Variants in DNAAF1 observed in about 807,000 individuals in gnomAD.
The protein encoded by DNAAF1 is dynein assembly factor 1, axonemal.
DNAAF1 carries 65 observed loss-of-function variants against 71.1 expected under a neutral mutation model. The ratio of observed to expected loss-of-function variants is 0.91; its 90% confidence interval spans 0.75 to 1.12. DNAAF1 has a LOEUF of 1.12. Among genes scored for constraint, DNAAF1 ranks in the 50% most tolerant of loss-of-function variants. The pLI, the probability that DNAAF1 is intolerant of heterozygous loss-of-function variation, is 0.00. For missense variants in DNAAF1, 1,178 were observed against 899.8 expected (o/e 1.31, Z -3.96); for synonymous variants, 414 against 354.6 (o/e 1.17, Z -1.88).
intron 6 of DNAAF1, 54 bp downstream of exon 6, chr16:84,159,850 C>G: frequency 6.3e-7 from 1 of 1,598,604 alleles, no homozygotes; most frequent in Non-Finnish European, 8.5e-7. Flanking sequence ...GTTGACCATG[C>G]TTAATATTAA....
intron 6 of DNAAF1, among the ~76,000 whole-genome samples, chr16:84,164,242 G>A (rs1361195972): frequency 2.0e-5 from 3 of 152,162 alleles, no homozygotes; most frequent in Non-Finnish European, 4.4e-5. Context: ...TGTGACAAGC[G>A]ATCAAGCAAT....
chr16:84,163,367 C>T (rs984554859), intron 6 of DNAAF1, among the ~76,000 whole-genome samples: 1 of 144,004 alleles, frequency 6.9e-6, no homozygotes, highest in Non-Finnish European at 1.5e-5. Flanking sequence ...TTTTTTTCCT[C>T]TCTCTCTCTC....
rs1356666341 is a variant in DNAAF1 at position 84,170,120 on chromosome 16, G to T, written c.1292G>T (p.Gly431Val). ...LLLSSPVEVK[G>V]EDGDGEPEGT... ...CTGTCGTCACCTGTGGAGGTTAAAG[G>T]AGAGGACGGAGATGGAGAGCCAGAG... The change falls in exon 8 of 12, where the codon GGA becomes GTA. Residue 431 changes from glycine to valine, a missense_variant. By Grantham distance (109) the Gly-to-Val change is moderately radical. Coordinates refer to ENST00000378553, the MANE Select transcript of DNAAF1 (RefSeq NM_178452.6). 1.3e-6 allele frequency: 2 copies of T among 1,583,406 alleles called. No homozygotes were observed. Among genetic ancestry groups the T allele is most frequent in the African/African-American group, 2.7e-5 (2 of 74,132 alleles).
At position 84,173,451 on chromosome 16, in the gene DNAAF1, G is replaced by A. The variant is rs182432755; in HGVS notation, c.1644+1076G>A. Reference sequence around the variant, plus strand: ...TGCACTCCAACCTGGGCGACAGAGCGAGACTCCATCTCAAAAAAGAAAAAA... The same window carrying A: ...TGCACTCCAACCTGGGCGACAGAGCAAGACTCCATCTCAAAAAAGAAAAAA... On this transcript the variant is annotated intron_variant, in intron 9 of 11. Transcript: ENST00000378553. 119 of 974,952 alleles carry A rather than the reference G, an allele frequency of 1.2e-4. No homozygotes were observed. The African/African-American group carries it at 1.6e-3, about 13-fold the overall frequency. 60.4% of individuals were successfully genotyped at this position (974,952 alleles called of 1,614,324 possible).
intron 2 of DNAAF1, 152 bp downstream of exon 2, chr16:84,149,294 G>A (rs189924902): frequency 2.8e-5 from 28 of 986,890 alleles, no homozygotes; most frequent in African/African-American, 2.6e-4. Context: ...TGCCTCTGCC[G>A]CACAGCTGAG....
At chr16:84,145,645 C>G in intron 1 of DNAAF1, 81 bp downstream of exon 1, 2 of 1,473,844 alleles carry the variant, frequency 1.4e-6, no homozygotes, top group South Asian at 2.5e-5. Flanking sequence ...ACACCACATA[C>G]CCGATCTTCA....
intron 5 of DNAAF1, among the ~76,000 whole-genome samples, chr16:84,156,140 C>T (rs2087416385): frequency 6.6e-6 from 1 of 152,008 alleles, no homozygotes; most frequent in African/African-American, 2.4e-5. Flanking sequence ...TTTTTGTATT[C>T]TTAGTAGATT....
chr16:84,148,823 C>G (rs377522867), intron 1 of DNAAF1, among the ~76,000 whole-genome samples, 184 bp from the exon 2 acceptor site: 1 of 151,254 alleles, frequency 6.6e-6, no homozygotes, highest in Non-Finnish European at 1.5e-5. Flanking sequence ...CACCTGGGCT[C>G]GAGCAATCTA....
rs984641609 is a variant in DNAAF1 at position 84,159,107 on chromosome 16, C to T, written c.742-568C>T. The T allele has an allele frequency of 4.0e-6, 4 of 992,074 alleles. No homozygotes were observed. In the South Asian group the frequency reaches 1.4e-4, roughly 34 times the overall value. The allele number at this position is 992,074 out of a possible 1,614,324, so 61.5% of individuals were successfully genotyped here. ...AGTATTTAAAGATGGGGGAGGATGG[C>T]AGGTCGGATTGCCGAGCCCCTTCCT... On this transcript the variant is annotated intron_variant, in intron 5 of 11. Transcript: ENST00000378553.
rs138914975 is a variant in DNAAF1 at position 84,156,804 on chromosome 16, T to TTTTTC, written c.741+1074_741+1078dup. Among the ~76,000 whole-genome samples, 127 of 149,994 alleles carry TTTTTC rather than the reference T, an allele frequency of 8.5e-4. No homozygotes were observed. In the East Asian group the frequency reaches 0.014, roughly 17 times the overall value. Reference sequence around the variant, plus strand: ...CAATGTTTGACCCTTTTATTTATCATTTTTCTTTTCTTTTCTTTTCTTTCC... The same window carrying TTTTTC: ...CAATGTTTGACCCTTTTATTTATCATTTTTCTTTTCTTTTCTTTTCTTTTCTTTCC... On this transcript the variant is annotated intron_variant, in intron 5 of 11. Transcript: ENST00000378553.
chr16:84,175,935 T>C lies in DNAAF1; in HGVS notation c.1701T>C (p.Asn567=). The part of the protein sequence containing the change: ...DETGKSLEDQ[N]MCFPKIEVIS... ...GACACCTTTTCTTCTGTAAATAGAA[T>C]ATGTGCTTTCCGAAGATTGAGGTCA... Residue 567 remains asparagine, a splice_region_variant and synonymous_variant, in exon 11 of 12, where the codon AAT becomes AAC. Coordinates refer to ENST00000378553, the MANE Select transcript of DNAAF1 (RefSeq NM_178452.6). 6.2e-7 allele frequency: 1 copy of C among 1,614,126 alleles called. No homozygotes were observed. The highest frequency in any genetic ancestry group is 8.5e-7 in the Non-Finnish European group (1 of 1,180,028).
chr16:84,151,269 G>A lies in DNAAF1; in HGVS notation c.352+927G>A, dbSNP rs947278772. Among the ~76,000 whole-genome samples the A allele has an allele frequency of 1.1e-4, 16 of 152,146 alleles. No homozygotes were observed. In the East Asian group the frequency reaches 1.2e-3, roughly 11 times the overall value. On this transcript the variant is annotated intron_variant, in intron 3 of 11. Transcript: ENST00000378553. ...GTGCTGAAAATGCACAGAGGGAACC[G>A]GCAAAGGTGCCTTTGGTGTCCTGGG...
chr16:84,161,091 A>AGCT (rs1296320341), intron 6 of DNAAF1, among the ~76,000 whole-genome samples: 2 of 152,140 alleles, frequency 1.3e-5, no homozygotes, highest in African/African-American at 4.8e-5. Context: ...TGCAGCCACG[A>AGCT]GCTACGTTAC....
At chr16:84,169,759 C>T (rs978365346) in intron 7 of DNAAF1, 100 bp from the exon 8 acceptor site, 26 of 1,543,274 alleles carry the variant, frequency 1.7e-5, no homozygotes, top group Non-Finnish European at 2.1e-5. Flanking sequence ...CTGACCTTTT[C>T]CCTGGTCTCA....
Position 84,174,687 on chromosome 16 carries a change from G to C in DNAAF1, c.1663G>C (p.Asp555His). 1 of 1,614,188 alleles carries C rather than the reference G, an allele frequency of 6.2e-7. No individual in the cohort carries two copies. Among genetic ancestry groups the C allele is most frequent in the African/African-American group, 1.3e-5 (1 of 75,052 alleles). Reference sequence around the variant, plus strand: ...CTTTCAGGACCTACCTGACTTGGAAGATGATGATGAAACAGGCAAATCTCT... The same window carrying C: ...CTTTCAGGACCTACCTGACTTGGAACATGATGATGAAACAGGCAAATCTCT... ...FCIDDLPDLEDDDETGKSLED... is the reference protein window; with the variant it reads ...FCIDDLPDLEHDDETGKSLED... The change falls in exon 10 of 12, where the codon GAT becomes CAT. Residue 555 changes from aspartate (D) to histidine (H), a missense_variant. By Grantham distance (81) the Asp-to-His change is moderately conservative (BLOSUM62 -1). Transcript: ENST00000378553.
At chr16:84,160,953 A>T (rs1346560066) in intron 6 of DNAAF1, among the ~76,000 whole-genome samples, 1 of 151,388 alleles carries the variant, frequency 6.6e-6, no homozygotes, top group Non-Finnish European at 1.5e-5. Flanking sequence ...AAAAAAAAAA[A>T]GAAAACCAGA....
intron 7 of DNAAF1, among the ~76,000 whole-genome samples, chr16:84,168,825 CAT>C (rs1308870438): frequency 3.4e-4 from 39 of 114,638 alleles, no homozygotes; most frequent in African/African-American, 1.4e-3. Context: ...ACATTTGCCA[CAT>C]ACACACACAC....
chr16:84,154,441 G>C, intron 3 of DNAAF1, 136 bp from the exon 4 acceptor site: 3 of 783,588 alleles, frequency 3.8e-6, no homozygotes, highest in Non-Finnish European at 6.5e-6. Context: ...CATCACATTA[G>C]GGGTTAGGAT....
chr16:84,148,596 C>CTCTCTTTTTTTTTTTTTTT, intron 1 of DNAAF1, among the ~76,000 whole-genome samples: 32 of 43,578 alleles, frequency 7.3e-4, no homozygotes, highest in African/African-American at 2.6e-3. Flanking sequence ...CTCTCTCTCT[C>CTCTCTTTTTTTTTTTTTTT]TTTTTTTTTT....
Sources: gnomAD v4.1 joint callset for allele counts (sites outside exome capture counted in the v4.1 genomes callset) on GRCh38, gnomAD v4.1.1 for gene constraint, MANE v1.5 for transcripts, NCBI Gene and HGNC (gene_info 2026-07-23, HGNC 2026-07-21) for gene names.